The following TTLL7 variants were observed in gnomAD, a reference collection of about 807,000 sequenced individuals.
TTLL7 encodes the protein tubulin tyrosine ligase like 7, also known as tubulin polyglutamylase TTLL7.
In TTLL7, 53 loss-of-function variants were observed where a neutral mutation model predicts 120.2. That is an observed-to-expected ratio of 0.44 (90% CI 0.35 to 0.55). TTLL7 has a LOEUF of 0.55. Among genes scored for constraint, TTLL7 ranks in the 20% least tolerant of loss-of-function variants. TTLL7 has a pLI of 0.00. For synonymous variants in TTLL7, 353 were observed against 351.7 expected, an observed-to-expected ratio of 1.00 and a Z score of -0.04; for missense variants, 803 against 1,054.7, an observed-to-expected ratio of 0.76 and a Z score of 3.31.
At chr1:83,937,680 C>A (rs1299080012) in intron 8 of TTLL7, among the ~76,000 whole-genome samples, 172 bp downstream of exon 8, 1 of 152,148 alleles carries the variant, frequency 6.6e-6, no homozygotes, top group African/African-American at 2.4e-5. Flanking sequence ...CAGAATGCAT[C>A]GCTGTTGTTA....
intron 1 of TTLL7, among the ~76,000 whole-genome samples, chr1:83,987,614 G>A (rs1652594038): frequency 6.6e-6 from 1 of 152,096 alleles, no homozygotes; most frequent in Admixed American, 6.6e-5. Context: ...ACAGCAATTT[G>A]AAACAATTCT....
intron 6 of TTLL7, among the ~76,000 whole-genome samples, chr1:83,944,372 A>T (rs1648270586): frequency 6.6e-6 from 1 of 152,194 alleles, no homozygotes; most frequent in Admixed American, 6.5e-5. Flanking sequence ...CATTATAATC[A>T]AATTGTCAAA....
intron 18 of TTLL7, among the ~76,000 whole-genome samples, chr1:83,893,340 T>C (rs983738582): frequency 5.3e-5 from 8 of 152,032 alleles, no homozygotes; most frequent in African/African-American, 1.2e-4. Flanking sequence ...TTGATACTTA[T>C]GCAATGTAGG....
chr1:83,920,994 A>T (rs1658600677), intron 12 of TTLL7, 93 bp downstream of exon 12: 1 of 1,330,732 alleles, frequency 7.5e-7, no homozygotes, highest in African/African-American at 1.5e-5. Context: ...TGAAAGAAAA[A>T]TGCTTAAAAT....
Position 83,919,731 on chromosome 1 carries a change from G to T in TTLL7, c.1468C>A (p.Arg490=), listed in dbSNP as rs776185260. ...FLSGRAASFQ[R]ELNNPLKRMK... is the part of the protein sequence containing the mutation. ...CTTTTCAAAGGATTATTCAACTCTC[G>T]CTGGAATGAAGCTGCTCTTCCTGAA... Residue 490 remains arginine, a synonymous_variant, in exon 13 of 21, where the codon CGA becomes AGA. Transcript: ENST00000260505. The T allele has an allele frequency of 6.2e-7, 1 of 1,611,912 alleles. No individual in the cohort carries two copies. Among genetic ancestry groups the T allele is most frequent in the East Asian group, 2.2e-5 (1 of 44,760 alleles).
chr1:83,947,431 C>G, intron 5 of TTLL7, 149 bp from the exon 6 acceptor site: 1 of 679,812 alleles, frequency 1.5e-6, no homozygotes, highest in Non-Finnish European at 2.4e-6. Context: ...CAACAAATGT[C>G]TACTGAGCAC....
intron 1 of TTLL7, among the ~76,000 whole-genome samples, chr1:83,975,872 T>C (rs918178741): frequency 2.6e-5 from 4 of 152,090 alleles, no homozygotes; most frequent in Non-Finnish European, 5.9e-5. Context: ...ATACAGACCA[T>C]AACCTCTAGA....
intron 20 of TTLL7, among the ~76,000 whole-genome samples, chr1:83,873,814 A>T (rs1475263): frequency 0.43 from 65,796 of 151,836 alleles, 15,614 homozygotes; most frequent in Non-Finnish European, 0.54. Flanking sequence ...TTGAAAACAT[A>T]AGCTACACCC....
At chr1:83,955,819 A>T (rs1649460490) in intron 1 of TTLL7, among the ~76,000 whole-genome samples, 2 of 152,116 alleles carry the variant, frequency 1.3e-5, no homozygotes, top group African/African-American at 4.8e-5. Flanking sequence ...GTTTGAGACC[A>T]GCCTGAGCAA....
At chr1:83,875,778 T>C (rs1653875963) in intron 20 of TTLL7, among the ~76,000 whole-genome samples, 1 of 151,894 alleles carries the variant, frequency 6.6e-6, no homozygotes, top group Non-Finnish European at 1.5e-5. Context: ...ATTTTTCTAT[T>C]GTGTGGTCTG....
intron 1 of TTLL7, among the ~76,000 whole-genome samples, chr1:83,976,423 T>A (rs1651492656): frequency 1.3e-5 from 2 of 152,090 alleles, no homozygotes; most frequent in African/African-American, 4.8e-5. Flanking sequence ...GTGTCTCTCA[T>A]TCTGAGCAAA....
At chr1:83,908,338 G>C in intron 15 of TTLL7, among the ~76,000 whole-genome samples, 1 of 150,886 alleles carries the variant, frequency 6.6e-6, no homozygotes, top group African/African-American at 2.4e-5. Flanking sequence ...AAAAAAAACA[G>C]TAATAAAACA....
intron 19 of TTLL7, among the ~76,000 whole-genome samples, chr1:83,886,452 A>G (rs868434796): frequency 2.2e-4 from 33 of 152,170 alleles, no homozygotes; most frequent in African/African-American, 7.7e-4. Flanking sequence ...AAGTATAACA[A>G]CACATCCAAT....
At chr1:83,903,191 T>G (rs188475733) in intron 18 of TTLL7, among the ~76,000 whole-genome samples, 2 of 152,096 alleles carry the variant, frequency 1.3e-5, no homozygotes, top group Admixed American at 1.3e-4. Flanking sequence ...ACCTTATCTC[T>G]TACCAAGACC....
At chr1:83,893,137 G>C (rs1348487840) in intron 18 of TTLL7, among the ~76,000 whole-genome samples, 1 of 151,544 alleles carries the variant, frequency 6.6e-6, no homozygotes, top group Non-Finnish European at 1.5e-5. Context: ...CTTTTGATTT[G>C]CGTGTTGGGT....
chr1:83,889,295 T>C (rs1424732688), intron 19 of TTLL7, among the ~76,000 whole-genome samples: 1 of 152,074 alleles, frequency 6.6e-6, no homozygotes, highest in East Asian at 1.9e-4. Flanking sequence ...TCCCCATGAT[T>C]CAATTACCTC....
chr1:83,994,708 C>T (rs548628484), intron 1 of TTLL7, among the ~76,000 whole-genome samples: 56 of 152,248 alleles, frequency 3.7e-4, no homozygotes, highest in Middle Eastern at 6.8e-3. Context: ...ACTGTCCCTC[C>T]CTTACACCTT....
intron 1 of TTLL7, among the ~76,000 whole-genome samples, chr1:83,982,428 T>C (rs1652049729): frequency 1.3e-5 from 2 of 151,746 alleles, no homozygotes; most frequent in African/African-American, 4.8e-5. Context: ...AAGAAATCAA[T>C]GAAACTGAAA....
At chr1:83,888,289 T>C (rs1655136511) in intron 19 of TTLL7, among the ~76,000 whole-genome samples, 1 of 152,042 alleles carries the variant, frequency 6.6e-6, no homozygotes, top group African/African-American at 2.4e-5. Flanking sequence ...GGAGAACTTT[T>C]ACAGGGAGCC....
Sources: allele counts gnomAD v4.1 joint callset (sites outside exome capture counted in the v4.1 genomes callset), GRCh38; gene constraint gnomAD v4.1.1; transcripts MANE v1.5; gene names NCBI Gene and HGNC (gene_info 2026-07-23, HGNC 2026-07-21).